Variants in ITSN1 observed in about 807,000 individuals in gnomAD.
ITSN1 encodes the protein intersectin 1.
Under a neutral mutation model 239.8 loss-of-function variants are expected in ITSN1, and 58 were observed. The observed-to-expected ratio is 0.24, with a 90% confidence interval of 0.20 to 0.30. The LOEUF (loss-of-function observed/expected upper bound fraction) is 0.30, where lower values mean the gene tolerates loss of function less well. ITSN1 is among the 10% of genes least tolerant of loss of function. The probability of loss-of-function intolerance (pLI) is 1.00; values close to 1 mark genes in which losing one functional copy is unlikely to be tolerated. For synonymous variants in ITSN1, 780 were observed against 770.8 expected, an observed-to-expected ratio of 1.01 and a Z score of -0.20; for missense variants, 1,558 against 2,103.3, an observed-to-expected ratio of 0.74 and a Z score of 5.07.
intron 19 of ITSN1, 116 bp downstream of exon 19, chr21:33,800,045 G>A: frequency 2.0e-6 from 2 of 1,017,218 alleles, no homozygotes; most frequent in Non-Finnish European, 2.7e-6. Context: ...CAATAATCCA[G>A]CATCTAGATT....
Position 33,774,970 on chromosome 21 carries a change from T to C in ITSN1, c.1458T>C (p.Asn486=). The change falls in exon 14 of 40, where the codon AAT becomes AAC. Residue 486 remains asparagine, a splice_region_variant and synonymous_variant. Coordinates refer to ENST00000381318, the MANE Select transcript of ITSN1 (RefSeq NM_003024.3). Reference sequence around the variant, plus strand: ...TTATTATCTTTCATTTGTTCAAGAATGATAAAAAGCATCAACTAGAAGGGA... The same window carrying C: ...TTATTATCTTTCATTTGTTCAAGAACGATAAAAAGCATCAACTAGAAGGGA... ...KTLEFELEAL[N]DKKHQLEGKL... is the part of the protein sequence containing the mutation. The C allele has an allele frequency of 6.2e-7, 1 of 1,610,704 alleles. No individual in the cohort carries two copies. Among genetic ancestry groups the C allele is most frequent in the Non-Finnish European group, 8.5e-7 (1 of 1,178,612 alleles).
intron 31 of ITSN1, among the ~76,000 whole-genome samples, chr21:33,864,028 T>C (rs1205994711): frequency 6.6e-6 from 1 of 152,208 alleles, no homozygotes. Context: ...GCTTGCCCGG[T>C]CCAAGGGACT....
intron 2 of ITSN1, among the ~76,000 whole-genome samples, chr21:33,719,438 C>G (rs1249305547): frequency 2.0e-5 from 3 of 152,204 alleles, no homozygotes; most frequent in Non-Finnish European, 4.4e-5. Flanking sequence ...AAGACTCCAT[C>G]TCTAAATAAA....
intron 26 of ITSN1, among the ~76,000 whole-genome samples, chr21:33,827,638 C>T (rs2074047069): frequency 1.3e-5 from 2 of 152,054 alleles, no homozygotes; most frequent in Admixed American, 6.6e-5. Context: ...TTCCTCGGTA[C>T]ACATTGAAGG....
chr21:33,871,738 T>TC (rs1203133697), intron 33 of ITSN1, among the ~76,000 whole-genome samples: 1 of 123,562 alleles, frequency 8.1e-6, no homozygotes, highest in Non-Finnish European at 1.8e-5. Context: ...AGACTCAGTC[T>TC]CAAAAAAAAA....
chr21:33,676,341 C>G (rs1160768985), intron 1 of ITSN1, among the ~76,000 whole-genome samples: 3 of 152,146 alleles, frequency 2.0e-5, no homozygotes, highest in Non-Finnish European at 4.4e-5. Flanking sequence ...TCCCCTGTCA[C>G]TTCAAGATTT....
chr21:33,765,984 C>T lies in ITSN1; in HGVS notation c.898C>T (p.Pro300Ser). The part of the protein sequence containing the change: ...MSGQPLPPVL[P>S]PEYIPPSFRR... Reference sequence around the variant, plus strand: ...TGGCCAACCACTGCCACCTGTCCTGCCTCCAGAATACATTCCACCTTCTTT... The same window carrying T: ...TGGCCAACCACTGCCACCTGTCCTGTCTCCAGAATACATTCCACCTTCTTT... Residue 300 changes from proline to serine, a missense_variant, in exon 10 of 40, where the codon CCT becomes TCT. Pro to Ser is a moderately conservative substitution (Grantham distance 74, BLOSUM62 -1). Around this residue, in one of 2 missense-constraint regions of ITSN1, gnomAD observed 982 missense variants for 1,209.9 expected, o/e 0.81. Coordinates refer to ENST00000381318, the MANE Select transcript of ITSN1 (RefSeq NM_003024.3). The T allele has an allele frequency of 1.2e-6, 2 of 1,614,148 alleles. No homozygotes were observed. Among genetic ancestry groups the T allele is most frequent in the Non-Finnish European group, 1.7e-6 (2 of 1,180,008 alleles).
chr21:33,755,531 A>G, intron 8 of ITSN1, 134 bp downstream of exon 8: 2 of 585,272 alleles, frequency 3.4e-6, no homozygotes, highest in Non-Finnish European at 6.0e-6. Flanking sequence ...CTGTTATCTC[A>G]TGTTCTTATC....
intron 7 of ITSN1, among the ~76,000 whole-genome samples, chr21:33,753,655 G>T (rs1464593960): frequency 6.6e-6 from 1 of 151,058 alleles, no homozygotes; most frequent in African/African-American, 2.4e-5. Context: ...CCAGCTACTC[G>T]GGAGGCTGAG....
intron 29 of ITSN1, among the ~76,000 whole-genome samples, chr21:33,849,118 G>C (rs1266684957): frequency 6.6e-6 from 1 of 151,916 alleles, no homozygotes; most frequent in African/African-American, 2.4e-5. Context: ...GCATGTGCTT[G>C]TCCCAGCTAC....
At chr21:33,679,006 A>G (rs1487729708) in intron 1 of ITSN1, among the ~76,000 whole-genome samples, 1 of 152,242 alleles carries the variant, frequency 6.6e-6, no homozygotes, top group African/African-American at 2.4e-5. Context: ...AAGCATGAAA[A>G]TAGCATAATG....
chr21:33,736,678 C>T (rs752232874), intron 5 of ITSN1, among the ~76,000 whole-genome samples: 25 of 152,228 alleles, frequency 1.6e-4, no homozygotes, highest in Admixed American at 4.6e-4. Context: ...AGGACCCAGG[C>T]GTTAAAATAA....
chr21:33,861,824 T>TA (rs1293789914), intron 31 of ITSN1, among the ~76,000 whole-genome samples: 5 of 151,924 alleles, frequency 3.3e-5, no homozygotes, highest in African/African-American at 1.2e-4. Context: ...CGGGCGCCTG[T>TA]AGTCCCAGCT....
At chr21:33,860,844 A>C (rs1015128945) in intron 31 of ITSN1, among the ~76,000 whole-genome samples, 3 of 152,198 alleles carry the variant, frequency 2.0e-5, no homozygotes, top group African/African-American at 7.2e-5. Context: ...TTTGGGCATT[A>C]AGGTGGCAGT....
chr21:33,805,673 G>A (rs1184379172), intron 20 of ITSN1, among the ~76,000 whole-genome samples: 1 of 151,876 alleles, frequency 6.6e-6, no homozygotes. Flanking sequence ...TTTTTTGTTT[G>A]TTTATTTTTT....
chr21:33,720,267 C>T (rs909676525), intron 2 of ITSN1, among the ~76,000 whole-genome samples: 6 of 152,152 alleles, frequency 3.9e-5, no homozygotes, highest in Admixed American at 6.5e-5. Flanking sequence ...ATCCCAGACC[C>T]GGTAGAGAGG....
intron 1 of ITSN1, among the ~76,000 whole-genome samples, chr21:33,669,028 C>A (rs1157190780): frequency 1.3e-5 from 2 of 152,192 alleles, no homozygotes; most frequent in Non-Finnish European, 2.9e-5. Flanking sequence ...GCCACAGGTT[C>A]AAGACTCCTG....
chr21:33,656,970 C>T (rs1351612724), intron 1 of ITSN1, among the ~76,000 whole-genome samples: 1 of 152,204 alleles, frequency 6.6e-6, no homozygotes, highest in Non-Finnish European at 1.5e-5. Context: ...ATCCACCTGC[C>T]TCAGCCTCCC....
intron 29 of ITSN1, among the ~76,000 whole-genome samples, chr21:33,851,862 C>T (rs1337366101): frequency 7.5e-6 from 1 of 134,138 alleles, no homozygotes; most frequent in Non-Finnish European, 1.5e-5. Context: ...TAGCTCACTG[C>T]AGCCTCTATT....
Sources: gnomAD v4.1 joint callset for allele counts (sites outside exome capture counted in the v4.1 genomes callset) on GRCh38, gnomAD v4.1.1 for gene constraint, gnomAD v4.1.1 regional missense constraint, MANE v1.5 for transcripts, NCBI Gene and HGNC (gene_info 2026-07-23, HGNC 2026-07-21) for gene names.